CSMD1: variants seen among roughly 807,000 people sequenced by gnomAD.
CSMD1 encodes CUB and sushi domain-containing protein 1.
Under a neutral mutation model 417.5 loss-of-function variants are expected in CSMD1, and 213 were observed. That is an observed-to-expected ratio of 0.51 (90% CI 0.46 to 0.57). The LOEUF is 0.57. Among genes scored for constraint, CSMD1 ranks in the 20% least tolerant of loss-of-function variants. CSMD1 has a pLI of 0.00. For synonymous variants in CSMD1, 2,862 were observed against 1,736.8 expected, an observed-to-expected ratio of 1.65 and a Z score of -16.11; for missense variants, 6,923 against 4,529.7, an observed-to-expected ratio of 1.53 and a Z score of -15.17.
intron 3 of CSMD1, among the ~76,000 whole-genome samples, chr8:4,142,685 T>C (rs771384018): frequency 3.3e-5 from 5 of 151,126 alleles, no homozygotes; most frequent in South Asian, 2.1e-4. Flanking sequence ...TTTGCAGTTA[T>C]TGGGTGGCTG....
At chr8:4,014,477 A>G (rs1796427608) in intron 4 of CSMD1, among the ~76,000 whole-genome samples, 1 of 152,170 alleles carries the variant, frequency 6.6e-6, no homozygotes, top group South Asian at 2.1e-4. Context: ...CTTTTTAGAC[A>G]TTGAGTTGGC....
chr8:3,665,108 A>G (rs6995469), intron 7 of CSMD1, among the ~76,000 whole-genome samples: 61,237 of 152,076 alleles, frequency 0.4, 12,550 homozygotes, highest in Admixed American at 0.54. Context: ...AATGCTTATA[A>G]TAAGAAAGTT....
chr8:4,827,568 C>T (rs932560652), intron 1 of CSMD1, among the ~76,000 whole-genome samples: 1 of 152,160 alleles, frequency 6.6e-6, no homozygotes, highest in African/African-American at 2.4e-5. Context: ...CTTTGTTTAT[C>T]AATGAAAATA....
chr8:4,408,563 A>T (rs952948703), intron 3 of CSMD1, among the ~76,000 whole-genome samples: 1 of 152,198 alleles, frequency 6.6e-6, no homozygotes, highest in African/African-American at 2.4e-5. Flanking sequence ...TATTACTCTG[A>T]TTTGCACCAA....
intron 3 of CSMD1, among the ~76,000 whole-genome samples, chr8:4,036,370 G>A (rs954835095): frequency 2.6e-5 from 4 of 152,086 alleles, no homozygotes; most frequent in East Asian, 1.9e-4. Flanking sequence ...CCATGGTACT[G>A]CGCAATGGTA....
chr8:3,604,401 C>G (rs1281043600), intron 8 of CSMD1, among the ~76,000 whole-genome samples: 2 of 152,076 alleles, frequency 1.3e-5, no homozygotes, highest in African/African-American at 2.4e-5. Context: ...TGGATTTTCT[C>G]TGGTCAGTAT....
intron 26 of CSMD1, among the ~76,000 whole-genome samples, chr8:3,231,111 C>T (rs1254001404): frequency 6.6e-6 from 1 of 152,178 alleles, no homozygotes; most frequent in Non-Finnish European, 1.5e-5. Context: ...TATCCCCCAT[C>T]ACTCTAAAAT....
chr8:3,790,976 T>G (rs1344525991), intron 5 of CSMD1, among the ~76,000 whole-genome samples: 1 of 152,146 alleles, frequency 6.6e-6, no homozygotes, highest in African/African-American at 2.4e-5. Context: ...TCAAAAATAT[T>G]CTTCAATTAT....
chr8:4,571,836 G>C (rs373557222), intron 2 of CSMD1, among the ~76,000 whole-genome samples: 9 of 152,242 alleles, frequency 5.9e-5, no homozygotes, highest in Non-Finnish European at 8.8e-5. Flanking sequence ...ATATATTTAG[G>C]ATTGTTAACT....
chr8:4,096,962 G>C (rs1436869532), intron 3 of CSMD1, among the ~76,000 whole-genome samples: 1 of 152,272 alleles, frequency 6.6e-6, no homozygotes, highest in East Asian at 1.9e-4. Context: ...AGATGTGTGA[G>C]CCAGTGAGTA....
rs570412933 is a variant in CSMD1, at chr8:3,139,698, T to C, written c.6241+2767A>G. On this transcript the variant is annotated intron_variant, in intron 41 of 69. Transcript: ENST00000635120. ...TACATTAAAATTATAAATAGATATGTACGTGTGTATGTGTGTGTGTCGATG... is the reference window on the plus strand; with the variant it reads ...TACATTAAAATTATAAATAGATATGCACGTGTGTATGTGTGTGTGTCGATG... Among the ~76,000 whole-genome samples, 3 of 152,234 alleles carry C rather than the reference T, an allele frequency of 2.0e-5. No individual in the cohort carries two copies. The South Asian group carries it at 6.2e-4, about 32-fold the overall frequency.
At chr8:4,640,817 A>G (rs1201062450) in intron 1 of CSMD1, among the ~76,000 whole-genome samples, 1 of 151,242 alleles carries the variant, frequency 6.6e-6, no homozygotes, top group East Asian at 2.0e-4. Context: ...TGTTTTAGTT[A>G]AAATTAAGAT....
intron 1 of CSMD1, among the ~76,000 whole-genome samples, chr8:4,955,787 CGTAACAGTA>C (rs879552155): frequency 0.47 from 70,600 of 151,596 alleles, 17,362 homozygotes; most frequent in East Asian, 0.78. Flanking sequence ...TAGGTGGTGG[CGTAACAGTA>C]CCTTCAAATT....
At chr8:3,717,763 A>G (rs745801588) in intron 6 of CSMD1, among the ~76,000 whole-genome samples, 56 of 152,196 alleles carry the variant, frequency 3.7e-4, no homozygotes, top group Non-Finnish European at 1.8e-4. Flanking sequence ...ACCTCTTTGA[A>G]CAGTTTTCCT....
chr8:3,217,882 A>T (rs933333220), intron 29 of CSMD1, among the ~76,000 whole-genome samples: 4 of 152,208 alleles, frequency 2.6e-5, no homozygotes, highest in African/African-American at 9.6e-5. Context: ...AATTGAACTC[A>T]AAAGTGTAAA....
intron 12 of CSMD1, among the ~76,000 whole-genome samples, chr8:3,457,469 G>T (rs908931857): frequency 5.3e-5 from 8 of 152,162 alleles, no homozygotes; most frequent in African/African-American, 1.9e-4. Context: ...ACATGTTAAA[G>T]CAAGAGGTGA....
At chr8:3,507,741 T>A (rs914694062) in intron 10 of CSMD1, among the ~76,000 whole-genome samples, 3 of 152,234 alleles carry the variant, frequency 2.0e-5, no homozygotes, top group African/African-American at 7.2e-5. Context: ...TGATTTGCAT[T>A]TCTCTGATGG....
intron 1 of CSMD1, among the ~76,000 whole-genome samples, chr8:4,761,863 C>G (rs1459705264): frequency 1.2e-5 from 1 of 82,854 alleles, no homozygotes; most frequent in Non-Finnish European, 2.5e-5. Context: ...ATCTATCTAT[C>G]TATCTATCTA....
chr8:3,315,262 T>G (rs1805663101), intron 23 of CSMD1, among the ~76,000 whole-genome samples: 1 of 152,196 alleles, frequency 6.6e-6, no homozygotes, highest in Admixed American at 6.5e-5. Flanking sequence ...TTCATCTGAA[T>G]AGGAAGGGAG....
Sources: gnomAD v4.1 joint callset for allele counts (sites outside exome capture counted in the v4.1 genomes callset) on GRCh38, gnomAD v4.1.1 for gene constraint, MANE v1.5 for transcripts, NCBI Gene and HGNC (gene_info 2026-07-23, HGNC 2026-07-21) for gene names.